The following ABCA13 variants were observed in gnomAD, a reference collection of about 807,000 sequenced individuals.
The protein encoded by ABCA13 is ATP-binding cassette sub-family A member 13.
In ABCA13, 476 loss-of-function variants were observed where a neutral mutation model predicts 478.7. The observed-to-expected ratio is 0.99, with a 90% CI of 0.92 to 1.07. ABCA13 has a LOEUF of 1.07. Among genes scored for constraint, ABCA13 ranks in the 50% least tolerant of loss-of-function variants. The probability of loss-of-function intolerance (pLI) is 0.00; values close to 1 mark genes in which losing one functional copy is unlikely to be tolerated. For missense variants in ABCA13, 6,060 were observed against 5,910.6 expected, an observed-to-expected ratio of 1.03 and a Z score of -0.83; for synonymous variants, 2,252 against 2,158.9, an observed-to-expected ratio of 1.04 and a Z score of -1.20.
At chr7:48,454,820 C>A (rs78361797) in intron 42 of ABCA13, among the ~76,000 whole-genome samples, 1,594 of 152,306 alleles carry the variant, frequency 0.01, 29 homozygotes, top group African/African-American at 0.036. Flanking sequence ...CGCGTTGCCA[C>A]GAGGCTTCCT....
At position 48,244,682 on chromosome 7, in the gene ABCA13, C is replaced by T. The variant is rs752639850; in HGVS notation, c.1369C>T (p.Gln457Ter). Residue 457 changes from glutamine (Q) to a stop codon, truncating the protein, a stop_gained, in exon 11 of 62, where the codon CAG becomes TAG. Transcript: ENST00000435803. LOFTEE classifies it high-confidence loss of function. Reference protein sequence around the residue: ...LDGALRNAIAQNLHFVQEVLI... With the variant: ...LDGALRNAIA ...TGGAGCTCTCAGAAATGCGATAGCTCAGAATTTACATTTTGTCCAAGGTAA... is the reference window on the plus strand; with the variant it reads ...TGGAGCTCTCAGAAATGCGATAGCTTAGAATTTACATTTTGTCCAAGGTAA... 6.2e-7 allele frequency: 1 copy of T among 1,603,614 alleles called. No homozygotes were observed. Among genetic ancestry groups the T allele is most frequent in the South Asian group, 1.1e-5 (1 of 89,742 alleles).
chr7:48,393,509 A>G, intron 38 of ABCA13, among the ~76,000 whole-genome samples: 1 of 152,264 alleles, frequency 6.6e-6, no homozygotes, highest in Non-Finnish European at 1.5e-5. Flanking sequence ...GAATTCTTAC[A>G]GAATATTGTT....
chr7:48,302,533 T>TCCC (rs1050970576), intron 23 of ABCA13, among the ~76,000 whole-genome samples: 1 of 152,132 alleles, frequency 6.6e-6, no homozygotes, highest in Non-Finnish European at 1.5e-5. Context: ...TGTGCTTTGT[T>TCCC]CCCCTCTTTG....
chr7:48,378,486 C>T (rs1259571257), intron 35 of ABCA13, among the ~76,000 whole-genome samples: 1 of 152,186 alleles, frequency 6.6e-6, no homozygotes, highest in Non-Finnish European at 1.5e-5. Flanking sequence ...ACATTTGGAA[C>T]TCACGTATAT....
At chr7:48,234,410 G>A (rs1789637157) in intron 8 of ABCA13, among the ~76,000 whole-genome samples, 1 of 152,194 alleles carries the variant, frequency 6.6e-6, no homozygotes, top group Non-Finnish European at 1.5e-5. Context: ...ATTGCTCTGG[G>A]AACTAGCAGT....
chr7:48,255,894 C>G (rs762194905), intron 15 of ABCA13, among the ~76,000 whole-genome samples: 11 of 152,152 alleles, frequency 7.2e-5, no homozygotes, highest in Non-Finnish European at 1.2e-4. Flanking sequence ...ACACTGTTTT[C>G]CACGATGTTG....
Position 48,234,115 on chromosome 7 carries a change from G to T in ABCA13, c.861G>T (p.Thr287=). The change falls in exon 8 of 62, where the codon ACG becomes ACT. Residue 287 remains threonine, a synonymous_variant. Transcript: ENST00000435803. ...KSQFGFDDLH[T]EQILNSSAEL... is the part of the protein sequence containing the mutation. ...AGTTTGGCTTTGATGATCTTCACAC[G>T]GAACAGATCCTGAACTCTTCAGCTG... The T allele has an allele frequency of 6.2e-7, 1 of 1,613,922 alleles. No individual in the cohort carries two copies. The highest frequency in any genetic ancestry group is 8.5e-7 in the Non-Finnish European group (1 of 1,179,860).
At chr7:48,182,135 G>A (rs555311381) in intron 1 of ABCA13, among the ~76,000 whole-genome samples, 18 of 152,236 alleles carry the variant, frequency 1.2e-4, no homozygotes, top group Non-Finnish European at 2.5e-4. Flanking sequence ...TAAGTCACTA[G>A]TGCAAACATC....
chr7:48,363,891 T>C (rs1811269305), intron 31 of ABCA13, among the ~76,000 whole-genome samples: 1 of 152,206 alleles, frequency 6.6e-6, no homozygotes, highest in Admixed American at 6.5e-5. Context: ...TTTAAATATA[T>C]TTAAATTGTT....
At chr7:48,343,268 G>T (rs1238469211) in intron 29 of ABCA13, among the ~76,000 whole-genome samples, 2 of 152,160 alleles carry the variant, frequency 1.3e-5, no homozygotes, top group African/African-American at 4.8e-5. Context: ...GAGAGCTAGG[G>T]CAGGGCCACG....
chr7:48,386,416 C>T (rs887738978), intron 35 of ABCA13, among the ~76,000 whole-genome samples: 3 of 152,138 alleles, frequency 2.0e-5, no homozygotes, highest in African/African-American at 7.2e-5. Flanking sequence ...TAAAAAGGAG[C>T]CCGAATAGCC....
intron 27 of ABCA13, among the ~76,000 whole-genome samples, chr7:48,318,963 C>G (rs1802994591): frequency 6.6e-6 from 1 of 151,918 alleles, no homozygotes; most frequent in Non-Finnish European, 1.5e-5. Flanking sequence ...AAGAGCTCAC[C>G]CTATTGTGGG....
chr7:48,329,394 A>G (rs926639422), intron 27 of ABCA13, among the ~76,000 whole-genome samples: 2 of 152,138 alleles, frequency 1.3e-5, no homozygotes, highest in Admixed American at 1.3e-4. Flanking sequence ...TTTGTGTGCT[A>G]TATTGAGGAC....
intron 17 of ABCA13, among the ~76,000 whole-genome samples, chr7:48,277,407 C>T (rs965772529): frequency 5.3e-5 from 8 of 152,174 alleles, no homozygotes; most frequent in Non-Finnish European, 7.3e-5. Flanking sequence ...TCAGAGTTTT[C>T]CTGGCCCACT....
intron 42 of ABCA13, among the ~76,000 whole-genome samples, chr7:48,451,186 CA>C (rs1441405656): frequency 6.6e-6 from 1 of 151,862 alleles, no homozygotes; most frequent in African/African-American, 2.4e-5. Flanking sequence ...TTAGTAGACA[CA>C]GGGTTTCACC....
chr7:48,475,171 G>GT (rs1827944414), intron 45 of ABCA13, among the ~76,000 whole-genome samples: 1 of 152,186 alleles, frequency 6.6e-6, no homozygotes, highest in South Asian at 2.1e-4. Context: ...TTTGAGAAAT[G>GT]TTGGACCACA....
Position 48,279,906 on chromosome 7 carries a change from A to G in ABCA13, c.8712A>G (p.Pro2904=), listed in dbSNP as rs2128776547. Residue 2904 remains proline (P), a synonymous_variant, in exon 18 of 62, where the codon CCA becomes CCG. Transcript: ENST00000435803. ...FVLTKYWQQI[P]LTDQSVVEIC... ...TGACTAAATACTGGCAACAAATCCC[A>G]CTAACAGATCAAAGGTAATTAAAAA... 1.3e-6 allele frequency: 2 copies of G among 1,519,234 alleles called. No individual in the cohort carries two copies. Among genetic ancestry groups the G allele is most frequent in the African/African-American group, 2.8e-5 (2 of 71,814 alleles). 94.1% of individuals were successfully genotyped at this position (1,519,234 alleles called of 1,614,324 possible). A position where few individuals can be genotyped will look rare whatever the true frequency, so the allele number is the denominator to read the frequency against.
intron 26 of ABCA13, among the ~76,000 whole-genome samples, chr7:48,315,651 T>G (rs1802481772): frequency 6.6e-6 from 1 of 152,060 alleles, no homozygotes; most frequent in South Asian, 2.1e-4. Flanking sequence ...GCTATTTTTT[T>G]GTATTTTTAG....
chr7:48,607,746 C>G (rs1378988651), intron 58 of ABCA13, among the ~76,000 whole-genome samples: 1 of 152,038 alleles, frequency 6.6e-6, no homozygotes, highest in Non-Finnish European at 1.5e-5. Context: ...TTCTCCCTCC[C>G]CTGTGGTGGT....
Sources: allele counts gnomAD v4.1 joint callset (sites outside exome capture counted in the v4.1 genomes callset), GRCh38; gene constraint gnomAD v4.1.1; transcripts MANE v1.5; gene names NCBI Gene and HGNC (gene_info 2026-07-23, HGNC 2026-07-21).